SP110: variants seen among roughly 807,000 people sequenced by gnomAD.
SP110 encodes SP110 nuclear body protein.
A neutral mutation model predicts 92.7 loss-of-function variants in SP110; 62 were observed. The observed-to-expected ratio is 0.67, with a 90% CI of 0.55 to 0.83. The LOEUF is 0.83. Among genes scored for constraint, SP110 ranks in the 40% least tolerant of loss-of-function variants. The probability of loss-of-function intolerance (pLI) is 0.00; values close to 1 mark genes in which losing one functional copy is unlikely to be tolerated. For synonymous variants in SP110, 273 were observed against 305.3 expected (o/e 0.89, Z 1.10); for missense variants, 793 against 863.9 (o/e 0.92, Z 1.03).
intron 12 of SP110, among the ~76,000 whole-genome samples, chr2:230,178,857 G>A (rs1353673753): frequency 2.0e-5 from 3 of 152,196 alleles, no homozygotes; most frequent in African/African-American, 7.2e-5. Context: ...TAGAAATCCA[G>A]AGTTTAGATT....
In SP110 at chr2:230,167,743, T is replaced by C. The variant is rs545018226; in HGVS notation, c.*1381A>G. 1.4e-4 allele frequency: 21 copies of C among 152,316 alleles called. No homozygotes were observed. The East Asian group carries it at 4.0e-3, about 29-fold the overall frequency. The allele number at this position is 152,316 out of a possible 1,614,324, so 9.4% of individuals were successfully genotyped here. A position where few individuals can be genotyped will look rare whatever the true frequency, so the allele number is the denominator to read the frequency against. On this transcript the variant is annotated 3_prime_UTR_variant, in exon 19 of 19. Transcript: ENST00000258381. ...AGAAGTGACAGTGTGCAAGTATGAA[T>C]GGGGTCTGCCAGTACCATGTGGAGC...
rs10210254 is a variant in SP110, at chr2:230,167,656, A to G, written c.*1468T>C. 100,509 of 151,812 alleles carry G rather than the reference A, an allele frequency of 0.66. 33,709 individuals are homozygous for G. Among genetic ancestry groups the G allele is most frequent in the Middle Eastern group, 0.72 (212 of 294 alleles). The allele number at this position is 151,812 out of a possible 1,614,324, so 9.4% of individuals were successfully genotyped here. On this transcript the variant is annotated 3_prime_UTR_variant, in exon 19 of 19. Coordinates refer to ENST00000258381, the MANE Select transcript of SP110 (RefSeq NM_080424.4). ...TTGCCACCCATCGCATCAAGAGGTA[A>G]GGTCTATTCTCCCTCCTTCTGAATC...
chr2:230,188,879 ACT>A (rs1334168659), intron 10 of SP110, among the ~76,000 whole-genome samples: 2 of 151,668 alleles, frequency 1.3e-5, no homozygotes, highest in African/African-American at 4.8e-5. Flanking sequence ...ATTCAATCTC[ACT>A]GTTTGTTATT....
chr2:230,199,092 C>G (rs961434157), intron 10 of SP110, among the ~76,000 whole-genome samples: 12 of 151,388 alleles, frequency 7.9e-5, no homozygotes, highest in Non-Finnish European at 1.5e-4. Flanking sequence ...GTGTATGACA[C>G]CAGCTCTTGA....
At position 230,211,390 on chromosome 2, in the gene SP110, T is replaced by A; in HGVS notation, c.751+80A>T. ...TGAGAGGCAGGAGGAGAGCCCCCTCTCTAGAAGATCCGAATGGCTTTTCCT... is the reference window on the plus strand; with the variant it reads ...TGAGAGGCAGGAGGAGAGCCCCCTCACTAGAAGATCCGAATGGCTTTTCCT... On this transcript the variant is annotated intron_variant, in intron 6 of 18. Transcript: ENST00000258381. The surrounding 1 kb of genome is among the most constrained non-coding windows in gnomAD (Gnocchi z 4.2). 2 of 909,860 alleles carry A rather than the reference T, an allele frequency of 2.2e-6. No homozygotes were observed. The highest frequency in any genetic ancestry group is 4.8e-5 in the East Asian group (2 of 41,702). 56.4% of individuals were successfully genotyped at this position (909,860 alleles called of 1,614,324 possible).
chr2:230,216,733 C>T lies in SP110; in HGVS notation c.147+48G>A, dbSNP rs776049820. The T allele has an allele frequency of 1.6e-5, 26 of 1,607,858 alleles. 1 individual carries two copies. The South Asian group carries it at 1.7e-4, about 10-fold the overall frequency. On this transcript the variant is annotated intron_variant, in intron 2 of 18. Transcript: ENST00000258381. ...GTGGTTTGAGACTTTAATAATCAGG[C>T]ATATTGGTGGGGGCTGGGCTGCCAT...
chr2:230,217,115 G>A (rs535253959), intron 1 of SP110, among the ~76,000 whole-genome samples, 187 bp from the exon 2 acceptor site: 5 of 152,050 alleles, frequency 3.3e-5, no homozygotes, highest in Middle Eastern at 6.8e-3. Flanking sequence ...GTGTGGTGGC[G>A]CACGCCTGTA....
intron 18 of SP110, 111 bp from the exon 19 acceptor site, chr2:230,169,348 A>T: frequency 1.4e-6 from 1 of 736,580 alleles, no homozygotes. Flanking sequence ...TTTCCCCGTC[A>T]CCCAGGCTGT....
At chr2:230,189,172 T>C (rs1008280634) in intron 10 of SP110, among the ~76,000 whole-genome samples, 34 of 152,148 alleles carry the variant, frequency 2.2e-4, no homozygotes, top group African/African-American at 8.0e-4. Flanking sequence ...GTTTAATTGA[T>C]CTTTTTTATT....
At chr2:230,171,505 G>A in intron 17 of SP110, 191 bp downstream of exon 17, 1 of 636,600 alleles carries the variant, frequency 1.6e-6, no homozygotes, top group South Asian at 1.8e-5. Context: ...CGTGAGCAGT[G>A]GGGTGGAGTT....
intron 8 of SP110, among the ~76,000 whole-genome samples, chr2:230,205,045 G>A (rs562246278): frequency 4.6e-5 from 7 of 152,254 alleles, no homozygotes; most frequent in Non-Finnish European, 8.8e-5. Flanking sequence ...TAAGGACAGT[G>A]AACATTACCC....
intron 10 of SP110, among the ~76,000 whole-genome samples, chr2:230,199,150 T>TTTA (rs1553537967): frequency 5.1e-5 from 5 of 98,670 alleles, no homozygotes; most frequent in African/African-American, 2.9e-4. Flanking sequence ...TTATTATTAT[T>TTTA]TTTTTTTTTT....
At chr2:230,198,367 T>C (rs2042974179) in intron 10 of SP110, among the ~76,000 whole-genome samples, 1 of 152,142 alleles carries the variant, frequency 6.6e-6, no homozygotes, top group Admixed American at 6.5e-5. Flanking sequence ...TCCAAGTGTC[T>C]GGGAAGGGGA....
At position 230,169,200 on chromosome 2, in the gene SP110, G is replaced by T; in HGVS notation, c.2066C>A (p.Ala689Glu). ...DFGQVGLDLE[A>E]EFEKDLKDVL... Reference sequence around the variant, plus strand: ...GTCTTTGAGATCTTTTTCAAATTCTGCCTCTAAGTCAAGTCCTACCTGGCC... The same window carrying T: ...GTCTTTGAGATCTTTTTCAAATTCTTCCTCTAAGTCAAGTCCTACCTGGCC... Residue 689 changes from alanine to glutamate, a missense_variant, in exon 19 of 19, where the codon GCA becomes GAA. Transcript: ENST00000258381. The T allele has an allele frequency of 6.2e-7, 1 of 1,613,680 alleles. No individual in the cohort carries two copies. The highest frequency in any genetic ancestry group is 1.7e-4 in the Middle Eastern group (1 of 6,060).
chr2:230,194,804 A>T (rs1402956927), intron 10 of SP110, among the ~76,000 whole-genome samples: 2 of 152,226 alleles, frequency 1.3e-5, no homozygotes, highest in Non-Finnish European at 2.9e-5. Context: ...CTGATGCCTC[A>T]TGTCCACCTC....
In SP110 at chr2:230,169,087, C is replaced by T. The variant is rs773096586; in HGVS notation, c.*37G>A. On this transcript the variant is annotated 3_prime_UTR_variant, in exon 19 of 19. Transcript: ENST00000258381. The stretch of plus-strand genomic sequence containing the variant: ...CAAGCCAGGGTCCCATCAGCTGAAT[C>T]CTGAGGTGGGGATGCTTCAGTCTTT... The T allele has an allele frequency of 7.3e-7, 1 of 1,363,700 alleles. No individual in the cohort carries two copies. The highest frequency in any genetic ancestry group is 1.1e-6 in the Non-Finnish European group (1 of 951,956). 84.5% of individuals were successfully genotyped at this position (1,363,700 alleles called of 1,614,324 possible).
chr2:230,207,583 A>G (rs1259293984), intron 8 of SP110, among the ~76,000 whole-genome samples: 1 of 152,146 alleles, frequency 6.6e-6, no homozygotes, highest in Non-Finnish European at 1.5e-5. Context: ...TCCCTCAGCA[A>G]TGGGCATTAC....
Position 230,225,445 on chromosome 2 carries a change from A to G in SP110, c.-64+90T>C, listed in dbSNP as rs183447017. 81 of 318,508 alleles carry G rather than the reference A, an allele frequency of 2.5e-4. 1 individual carries two copies. Among genetic ancestry groups the G allele is most frequent in the African/African-American group, 1.3e-3 (60 of 45,562 alleles). The allele number at this position is 318,508 out of a possible 1,614,324, so 19.7% of individuals were successfully genotyped here. On this transcript the variant is annotated intron_variant, in intron 1 of 15. Transcript: ENST00000540870. The stretch of plus-strand genomic sequence containing the variant: ...CCTGGAGCCTGACTGAAGATTTGAA[A>G]TGTCTGGTCTTCACTTGTCCTTCTC...
At chr2:230,196,087 G>A (rs1008632073) in intron 10 of SP110, among the ~76,000 whole-genome samples, 1 of 152,174 alleles carries the variant, frequency 6.6e-6, no homozygotes, top group East Asian at 1.9e-4. Flanking sequence ...CATTGAGGAT[G>A]TAGGAAATGA....
Sources: gnomAD v4.1 joint callset for allele counts (sites outside exome capture counted in the v4.1 genomes callset) on GRCh38, gnomAD v4.1.1 for gene constraint, Gnocchi (gnomAD v3.1) non-coding constraint, MANE v1.5 for transcripts, NCBI Gene and HGNC (gene_info 2026-07-23, HGNC 2026-07-21) for gene names.